Variants in ANO3 observed in about 807,000 individuals in gnomAD.
The protein encoded by ANO3 is anoctamin-3.
A neutral mutation model predicts 144.8 loss-of-function variants in ANO3; 99 were observed. The ratio of observed to expected loss-of-function variants is 0.68; its 90% CI spans 0.58 to 0.81. The LOEUF is 0.81. Among genes scored for constraint, ANO3 ranks in the 30% least tolerant of loss-of-function variants. ANO3 has a pLI of 0.00. For synonymous variants in ANO3, 414 were observed against 392.6 expected, an observed-to-expected ratio of 1.05 and a Z score of -0.64; for missense variants, 905 against 1,202.2, an observed-to-expected ratio of 0.75 and a Z score of 3.66.
intron 1 of ANO3, among the ~76,000 whole-genome samples, chr11:26,324,909 G>GTATAATTAAATTGA (rs1156432155): frequency 1.3e-5 from 2 of 152,118 alleles, no homozygotes; most frequent in African/African-American, 2.4e-5. Context: ...AAATGAATAG[G>GTATAATTAAATTGA]TATAATTAAA....
chr11:26,340,162 A>AT, intron 1 of ANO3, among the ~76,000 whole-genome samples: 1 of 151,168 alleles, frequency 6.6e-6, no homozygotes, highest in South Asian at 2.1e-4. Context: ...CATTTCCTAA[A>AT]AATAACTCCT....
intron 5 of ANO3, among the ~76,000 whole-genome samples, chr11:26,511,371 ACT>A (rs1312941100): frequency 6.6e-6 from 1 of 152,106 alleles, no homozygotes; most frequent in African/African-American, 2.4e-5. Context: ...CTCTGTAAAA[ACT>A]CTGCCTATGC....
chr11:26,229,735 C>A (rs1852348459), intron 1 of ANO3, among the ~76,000 whole-genome samples: 1 of 152,120 alleles, frequency 6.6e-6, no homozygotes, highest in African/African-American at 2.4e-5. Context: ...TAAGCACCCT[C>A]TACATCAACA....
At chr11:26,378,435 C>CT (rs1554946635) in intron 1 of ANO3, among the ~76,000 whole-genome samples, 78,530 of 142,526 alleles carry the variant, frequency 0.55, 22,117 homozygotes, top group East Asian at 0.68. Context: ...ATCTATCTAT[C>CT]ATCTATCTAT....
chr11:26,504,106 G>T (rs1189363132), intron 4 of ANO3, among the ~76,000 whole-genome samples: 1 of 152,194 alleles, frequency 6.6e-6, no homozygotes, highest in Admixed American at 6.5e-5. Context: ...TCTTAGATCA[G>T]CATGGAGATG....
chr11:26,348,328 G>T (rs150730565), intron 1 of ANO3, among the ~76,000 whole-genome samples: 7 of 152,270 alleles, frequency 4.6e-5, no homozygotes, highest in Admixed American at 4.6e-4. Flanking sequence ...TAAAGTTCAT[G>T]TTATATACAT....
chr11:26,546,586 G>A (rs1376894927), intron 11 of ANO3, among the ~76,000 whole-genome samples: 2 of 152,032 alleles, frequency 1.3e-5, no homozygotes, highest in African/African-American at 4.8e-5. Context: ...TGGTAAAGAA[G>A]TCAGGAAATT....
chr11:26,340,489 T>C lies in ANO3; in HGVS notation c.46+8168T>C, dbSNP rs151292852. Among the ~76,000 whole-genome samples, 536 of 152,324 alleles carry C rather than the reference T, an allele frequency of 3.5e-3. 4 individuals are homozygous for C. Among genetic ancestry groups the C allele is most frequent in the African/African-American group, 0.013 (524 of 41,582 alleles). ...GAATCACCTAACATTCTTGTTAAAA[T>C]GCAAATTCTTCAGTCCCTCTAGACC... On this transcript the variant is annotated intron_variant, in intron 1 of 26. Transcript: ENST00000256737.
chr11:26,421,305 T>C (rs1218822960), intron 1 of ANO3, among the ~76,000 whole-genome samples: 4 of 152,076 alleles, frequency 2.6e-5, no homozygotes, highest in African/African-American at 4.8e-5. Context: ...AGGACAGAGC[T>C]ATAATGATTT....
At chr11:26,413,350 G>A (rs1857483672) in intron 1 of ANO3, among the ~76,000 whole-genome samples, 1 of 151,746 alleles carries the variant, frequency 6.6e-6, no homozygotes, top group South Asian at 2.1e-4. Flanking sequence ...TTTGTATGAT[G>A]TATTTTCATT....
At position 26,430,247 on chromosome 11, in the gene ANO3, T is replaced by TAA. The variant is rs11439260; in HGVS notation, c.47-11658_47-11657dup. Among the ~76,000 whole-genome samples the TAA allele has an allele frequency of 3.8e-3, 549 of 144,924 alleles. 2 individuals are homozygous for TAA. Among genetic ancestry groups the TAA allele is most frequent in the African/African-American group, 8.3e-3 (328 of 39,420 alleles). On this transcript the variant is annotated intron_variant, in intron 1 of 26. Transcript: ENST00000256737. Reference sequence around the variant, plus strand: ...CTGCACTCCAGCCCAAGCAACTGTCTAAAAAAAAAAAAAAGTAAGTCTTAA... The same window carrying TAA: ...CTGCACTCCAGCCCAAGCAACTGTCTAAAAAAAAAAAAAAAAGTAAGTCTTAA...
chr11:26,349,002 T>C (rs1855567645), intron 1 of ANO3, among the ~76,000 whole-genome samples: 1 of 152,208 alleles, frequency 6.6e-6, no homozygotes. Context: ...TCGAAACTTG[T>C]TACCAGGGAG....
At chr11:26,565,292 T>G in intron 14 of ANO3, 1 of 1,576,000 alleles carries the variant, frequency 6.3e-7, no homozygotes, top group Non-Finnish European at 8.6e-7. Flanking sequence ...TGGTAAGCCA[T>G]CCACTTGGTT....
chr11:26,379,890 G>A (rs1398734406), intron 1 of ANO3, among the ~76,000 whole-genome samples: 1 of 152,176 alleles, frequency 6.6e-6, no homozygotes, highest in Non-Finnish European at 1.5e-5. Flanking sequence ...GGGAGAAAAG[G>A]AGTCAAGCAA....
chr11:26,508,919 A>G (rs941249675), intron 5 of ANO3: 1 of 151,944 alleles, frequency 6.6e-6, no homozygotes, highest in Non-Finnish European at 1.5e-5. Flanking sequence ...GCCAAAGTCA[A>G]TATCTACAGT....
intron 1 of ANO3, among the ~76,000 whole-genome samples, chr11:26,223,860 A>G (rs35235023): frequency 0.3 from 45,707 of 151,636 alleles, 7,577 homozygotes; most frequent in Non-Finnish European, 0.37. Context: ...ACTGGTAGAG[A>G]GAGAAGTCAC....
At chr11:26,652,826 T>A (rs1853574420) in intron 24 of ANO3, among the ~76,000 whole-genome samples, 1 of 152,252 alleles carries the variant, frequency 6.6e-6, no homozygotes, top group Admixed American at 6.5e-5. Flanking sequence ...CGTTGAGATG[T>A]CATGATGACT....
At chr11:26,486,691 C>A (rs1300286456) in intron 4 of ANO3, among the ~76,000 whole-genome samples, 2 of 152,084 alleles carry the variant, frequency 1.3e-5, no homozygotes, top group African/African-American at 4.8e-5. Context: ...ATCTTATACA[C>A]TAAATTGGTA....
intron 1 of ANO3, among the ~76,000 whole-genome samples, chr11:26,295,745 T>C (rs1294233696): frequency 1.3e-5 from 2 of 152,146 alleles, no homozygotes; most frequent in South Asian, 4.1e-4. Context: ...TTTTTAAATA[T>C]ATTTCTGGGT....
Sources: allele counts gnomAD v4.1 joint callset (sites outside exome capture counted in the v4.1 genomes callset), GRCh38; gene constraint gnomAD v4.1.1; transcripts MANE v1.5; gene names NCBI Gene and HGNC (gene_info 2026-07-23, HGNC 2026-07-21).